Variants in CADM1 observed in about 807,000 individuals in gnomAD.
CADM1 encodes TSLC-1.
CADM1 carries 15 observed loss-of-function variants against 53.1 expected under a neutral mutation model. The ratio of observed to expected loss-of-function variants is 0.28; its 90% CI spans 0.19 to 0.44. The LOEUF (loss-of-function observed/expected upper bound fraction) is 0.44, where lower values mean the gene tolerates loss of function less well. Among genes scored for constraint, CADM1 ranks in the 20% least tolerant of loss-of-function variants. CADM1 has a pLI of 1.00. For missense variants in CADM1, 434 were observed against 611.3 expected (o/e 0.71, Z 3.06); for synonymous variants, 281 against 243.0 (o/e 1.16, Z -1.45).
Position 115,260,916 on chromosome 11 carries a change from C to T in CADM1, c.125-20496G>A, listed in dbSNP as rs569709407. ...GTCTTGATCTTCTGACCTCATGATC[C>T]GCCCGCCTCAGCCTCCCAAAGTGCT... On this transcript the variant is annotated intron_variant, in intron 1 of 11. Coordinates refer to ENST00000331581, the MANE Select transcript of CADM1 (RefSeq NM_001301043.2). Among the ~76,000 whole-genome samples the T allele has an allele frequency of 1.6e-4, 24 of 152,104 alleles. No individual in the cohort carries two copies. In the South Asian group the frequency reaches 4.0e-3, roughly 25 times the overall value.
rs552309443 is a variant in CADM1, at chr11:115,369,026, TAAAA to T, written c.125-128610_125-128607del. Among the ~76,000 whole-genome samples the T allele has an allele frequency of 4.6e-3, 206 of 44,754 alleles. 2 individuals carry two copies. Among genetic ancestry groups the T allele is most frequent in the Non-Finnish European group, 7.0e-3 (169 of 24,316 alleles). 29.4% of individuals were successfully genotyped at this position (44,754 alleles called of 152,430 possible). A position where few individuals can be genotyped will look rare whatever the true frequency, so the allele number is the denominator to read the frequency against. ...GTGCCTAGCAGAGTGAAAAAAAATC[TAAAA>T]AAAAAAAAAAAAAAAAAAAAAAAAT... On this transcript the variant is annotated intron_variant, in intron 1 of 11. Transcript: ENST00000331581.
At chr11:115,400,134 A>G (rs1379789509) in intron 1 of CADM1, among the ~76,000 whole-genome samples, 1 of 152,194 alleles carries the variant, frequency 6.6e-6, no homozygotes, top group Non-Finnish European at 1.5e-5. Context: ...TTAGATGCCA[A>G]CTAGGTCTGT....
At chr11:115,422,337 C>T (rs1240766247) in intron 1 of CADM1, among the ~76,000 whole-genome samples, 4 of 152,136 alleles carry the variant, frequency 2.6e-5, no homozygotes, top group Non-Finnish European at 5.9e-5. Flanking sequence ...TGAATATGTT[C>T]GTTTGACCCG....
chr11:115,462,983 G>A (rs1298619379), intron 1 of CADM1, among the ~76,000 whole-genome samples: 3 of 152,176 alleles, frequency 2.0e-5, no homozygotes, highest in South Asian at 2.1e-4. Context: ...GGGAAGAAAG[G>A]GGAGAAATAA....
intron 1 of CADM1, among the ~76,000 whole-genome samples, chr11:115,277,169 T>G (rs1943468205): frequency 6.6e-6 from 1 of 152,190 alleles, no homozygotes; most frequent in Non-Finnish European, 1.5e-5. Context: ...CATCTTTTGC[T>G]CCTACAAGTT....
chr11:115,264,001 C>T (rs557966808), intron 1 of CADM1, among the ~76,000 whole-genome samples: 10 of 152,188 alleles, frequency 6.6e-5, no homozygotes, highest in Non-Finnish European at 1.3e-4. Flanking sequence ...GTGGTGAGGT[C>T]CCTGTAATAA....
chr11:115,369,045 A>AAAAAAAAAAAAAAAAAAAAAAAG (rs1946247145), intron 1 of CADM1, among the ~76,000 whole-genome samples: 1 of 149,290 alleles, frequency 6.7e-6, no homozygotes, highest in Non-Finnish European at 1.5e-5. Context: ...AAAAAAAAAA[A>AAAAAAAAAAAAAAAAAAAAAAAG]AAAAAAAAAT....
chr11:115,297,357 GGAACAAGATTGTATAAAA>G (rs1462246357), intron 1 of CADM1, among the ~76,000 whole-genome samples: 4 of 152,170 alleles, frequency 2.6e-5, no homozygotes, highest in Non-Finnish European at 5.9e-5. Context: ...TGCATGATCA[GGAACAAGATTGTATAAAA>G]AAGGCTTCTT....
At chr11:115,405,350 C>T (rs905582111) in intron 1 of CADM1, among the ~76,000 whole-genome samples, 3 of 152,150 alleles carry the variant, frequency 2.0e-5, no homozygotes, top group South Asian at 2.1e-4. Context: ...GAAGAAGATA[C>T]GAAGCTATGA....
At chr11:115,378,000 G>A (rs1946482003) in intron 1 of CADM1, 1 of 152,202 alleles carries the variant, frequency 6.6e-6, no homozygotes, top group Non-Finnish European at 1.5e-5. Flanking sequence ...CTGGTAGCAA[G>A]TGTCTGAAAC....
intron 1 of CADM1, among the ~76,000 whole-genome samples, chr11:115,484,777 C>G (rs977383023): frequency 3.4e-4 from 52 of 151,966 alleles, no homozygotes; most frequent in Admixed American, 1.2e-3. Flanking sequence ...GAAACCCCAT[C>G]TCTACTAAAA....
At chr11:115,248,002 T>C (rs1942461712) in intron 1 of CADM1, among the ~76,000 whole-genome samples, 1 of 152,264 alleles carries the variant, frequency 6.6e-6, no homozygotes, top group African/African-American at 2.4e-5. Context: ...TAACATCAGC[T>C]GCAAGAAGAG....
At chr11:115,248,414 T>C (rs534781772) in intron 1 of CADM1, among the ~76,000 whole-genome samples, 1 of 152,330 alleles carries the variant, frequency 6.6e-6, no homozygotes, top group African/African-American at 2.4e-5. Context: ...GCTGAAGGTC[T>C]GAGCTATCTG....
At chr11:115,213,058 A>G (rs2134751155) in intron 7 of CADM1, among the ~76,000 whole-genome samples, 1 of 152,378 alleles carries the variant, frequency 6.6e-6, no homozygotes, top group Non-Finnish European at 1.5e-5. Flanking sequence ...TCAAGGATGC[A>G]CATAACAGAC....
intron 1 of CADM1, among the ~76,000 whole-genome samples, chr11:115,447,912 T>C (rs1230467771): frequency 6.6e-6 from 1 of 152,200 alleles, no homozygotes; most frequent in Non-Finnish European, 1.5e-5. Flanking sequence ...CTTTCTTAGG[T>C]GCTCTTTCTT....
At chr11:115,489,719 G>A (rs1018186810) in intron 1 of CADM1, among the ~76,000 whole-genome samples, 1 of 152,188 alleles carries the variant, frequency 6.6e-6, no homozygotes, top group South Asian at 2.1e-4. Flanking sequence ...CTGTTTGATA[G>A]GAAGGAGGAA....
At chr11:115,359,501 T>A (rs1407268788) in intron 1 of CADM1, among the ~76,000 whole-genome samples, 2 of 152,122 alleles carry the variant, frequency 1.3e-5, no homozygotes, top group Admixed American at 6.6e-5. Flanking sequence ...GGCAAAGACA[T>A]GACACAGTCA....
At position 115,475,180 on chromosome 11, in the gene CADM1, A is replaced by G. The variant is rs569863859; in HGVS notation, c.124+29091T>C. On this transcript the variant is annotated intron_variant, in intron 1 of 11. Coordinates refer to ENST00000331581, the MANE Select transcript of CADM1 (RefSeq NM_001301043.2). ...TCTCCTGTATACTTTAAATCTCTAG[A>G]TTACTTATAATACCTAATAGAACGT... Among the ~76,000 whole-genome samples, 290 of 152,238 alleles carry G rather than the reference A, an allele frequency of 1.9e-3. 1 individual carries two copies. Among genetic ancestry groups the G allele is most frequent in the Non-Finnish European group, 2.3e-3 (154 of 68,012 alleles).
intron 1 of CADM1, among the ~76,000 whole-genome samples, chr11:115,321,556 A>G (rs148348279): frequency 2.0e-3 from 302 of 152,304 alleles, no homozygotes; most frequent in African/African-American, 6.7e-3. Context: ...GGTAATAAAA[A>G]TCTTCATATA....
Sources: gnomAD v4.1 joint callset for allele counts (sites outside exome capture counted in the v4.1 genomes callset) on GRCh38, gnomAD v4.1.1 for gene constraint, MANE v1.5 for transcripts, NCBI Gene and HGNC (gene_info 2026-07-23, HGNC 2026-07-21) for gene names.